Variants in INSL6 observed in about 807,000 individuals in gnomAD.
INSL6 encodes the protein insulin like 6, also known as insulin-like peptide INSL6.
INSL6 carries 16 observed loss-of-function variants against 9.4 expected under a neutral mutation model. That is an observed-to-expected ratio of 1.70 (90% CI 1.15 to 2.59). The LOEUF (loss-of-function observed/expected upper bound fraction) is 2.59. INSL6 is among the 30% of genes most tolerant of loss of function. The probability of loss-of-function intolerance (pLI) is 0.00; values close to 1 mark genes in which losing one functional copy is unlikely to be tolerated. For missense variants in INSL6, 391 were observed against 257.3 expected, an observed-to-expected ratio of 1.52 and a Z score of -3.56; for synonymous variants, 154 against 96.9, an observed-to-expected ratio of 1.59 and a Z score of -3.46.
the INSL6 span, among the ~76,000 whole-genome samples, chr9:5,036,090 G>C: frequency 6.6e-6 from 1 of 152,142 alleles, no homozygotes; most frequent in African/African-American, 2.4e-5. Context: ...ACCAATAACA[G>C]ACAAACAGAG....
intron 3 of INSL6, chr9:5,131,849 T>C (rs913914201): frequency 6.6e-6 from 1 of 152,220 alleles, no homozygotes; most frequent in Non-Finnish European, 1.5e-5. Flanking sequence ...TGATAGCACT[T>C]ACTGACTACA....
At chr9:5,131,307 T>C (rs1824275501) in intron 3 of INSL6, among the ~76,000 whole-genome samples, 1 of 152,160 alleles carries the variant, frequency 6.6e-6, no homozygotes, top group Non-Finnish European at 1.5e-5. Flanking sequence ...AAATTTATTA[T>C]TATGTCCTTA....
At chr9:5,067,659 T>C in the INSL6 span, among the ~76,000 whole-genome samples, 107 of 151,928 alleles carry the variant, frequency 7.0e-4, 1 homozygote, top group East Asian at 0.019. Flanking sequence ...CAAAAAAATA[T>C]ATATATATAT....
rs1243775002 is a variant in INSL6 at position 5,164,040 on chromosome 9, C to G, written c.515G>C (p.Arg172Thr). ...AAGACAACACTTTTCTGAATATCCT[C>G]TGCGTTTTCTTTGGGGATGATGCCC... ...FWGHHPQRKRRGYSEKCCLTG... is the reference protein window; with the variant it reads ...FWGHHPQRKRTGYSEKCCLTG... Residue 172 changes from arginine (R) to threonine (T), a missense_variant, in exon 2 of 2, where the codon AGA becomes ACA. Transcript: ENST00000381641. 6.2e-7 allele frequency: 1 copy of G among 1,613,680 alleles called. No individual in the cohort carries two copies. Among genetic ancestry groups the G allele is most frequent in the Non-Finnish European group, 8.5e-7 (1 of 1,179,810 alleles).
chr9:5,151,710 A>G (rs1001333923), intron 2 of INSL6, among the ~76,000 whole-genome samples: 1 of 152,200 alleles, frequency 6.6e-6, no homozygotes, highest in African/African-American at 2.4e-5. Context: ...AATTCAACCC[A>G]ATAGAATGCA....
At chr9:5,046,858 G>T in the INSL6 span, among the ~76,000 whole-genome samples, 4 of 152,156 alleles carry the variant, frequency 2.6e-5, no homozygotes, top group Non-Finnish European at 5.9e-5. Context: ...CACCTGTGCT[G>T]CAGAGCTAGT....
At chr9:5,014,284 G>GT in the INSL6 span, among the ~76,000 whole-genome samples, 9 of 151,064 alleles carry the variant, frequency 6.0e-5, no homozygotes, top group Non-Finnish European at 8.8e-5. Flanking sequence ...GATTACAGGT[G>GT]TGAGCCACTG....
chr9:5,142,408 C>T (rs1258712904), intron 2 of INSL6, among the ~76,000 whole-genome samples: 1 of 152,154 alleles, frequency 6.6e-6, no homozygotes, highest in African/African-American at 2.4e-5. Flanking sequence ...GTTTGTAGTT[C>T]TCCTTACAGA....
chr9:5,080,955 GC>G, the INSL6 span, among the ~76,000 whole-genome samples: 24 of 145,240 alleles, frequency 1.7e-4, no homozygotes, highest in Admixed American at 1.2e-3. Flanking sequence ...GAGTGCAGTG[GC>G]GCGATCTCGG....
the INSL6 span, chr9:5,099,228 T>A: frequency 6.6e-6 from 1 of 152,238 alleles, no homozygotes; most frequent in East Asian, 1.9e-4. Flanking sequence ...GTCTTTACTA[T>A]GGACAGTGCT....
At chr9:5,091,717 CTAG>C in the INSL6 span, 1 of 152,032 alleles carries the variant, frequency 6.6e-6, no homozygotes, top group African/African-American at 2.4e-5. Flanking sequence ...CAAACTGGGT[CTAG>C]TAGAAGTGAA....
the INSL6 span, among the ~76,000 whole-genome samples, chr9:5,092,285 G>A: frequency 1.3e-5 from 2 of 152,036 alleles, no homozygotes; most frequent in Non-Finnish European, 2.9e-5. Flanking sequence ...CACGAAGCAC[G>A]CACACACTGC....
chr9:5,117,018 A>G, the INSL6 span, among the ~76,000 whole-genome samples: 1 of 152,232 alleles, frequency 6.6e-6, no homozygotes, highest in African/African-American at 2.4e-5. Context: ...AGGCCCTTAT[A>G]AGAGGCTTCA....
At chr9:5,153,752 A>C (rs1413877517) in intron 2 of INSL6, among the ~76,000 whole-genome samples, 1 of 152,248 alleles carries the variant, frequency 6.6e-6, no homozygotes, top group East Asian at 1.9e-4. Context: ...ATACCTAGGA[A>C]TACAACTTAC....
At chr9:5,041,281 G>A in the INSL6 span, 3 of 1,079,560 alleles carry the variant, frequency 2.8e-6, no homozygotes, top group South Asian at 2.7e-5. Flanking sequence ...TGGCCAAGGG[G>A]TACACTGGTC....
At chr9:5,181,504 C>G (rs1825453773) in intron 1 of INSL6, among the ~76,000 whole-genome samples, 1 of 151,858 alleles carries the variant, frequency 6.6e-6, no homozygotes, top group Admixed American at 6.6e-5. Context: ...GAGACCAGAA[C>G]TAAAAATTAG....
the INSL6 span, chr9:5,069,825 C>A: frequency 5.1e-6 from 3 of 589,310 alleles, no homozygotes; most frequent in Non-Finnish European, 7.9e-6. Flanking sequence ...AGTTATTAAG[C>A]ATTTCTTATA....
chr9:5,044,314 T>G, the INSL6 span: 2 of 789,922 alleles, frequency 2.5e-6, no homozygotes, highest in South Asian at 3.0e-5. Context: ...GGATAATACC[T>G]TTCAGTATGC....
the INSL6 span, among the ~76,000 whole-genome samples, chr9:5,083,542 A>G: frequency 2.6e-5 from 4 of 152,184 alleles, no homozygotes; most frequent in South Asian, 8.3e-4. Context: ...ACTTAATCAC[A>G]GTCTTCTGTT....
Sources: allele counts gnomAD v4.1 joint callset (sites outside exome capture counted in the v4.1 genomes callset), GRCh38; gene constraint gnomAD v4.1.1; transcripts MANE v1.5; gene names NCBI Gene and HGNC (gene_info 2026-07-23, HGNC 2026-07-21).